CACNA2D3: variants seen among roughly 807,000 people sequenced by gnomAD.
The protein encoded by CACNA2D3 is voltage-dependent calcium channel subunit alpha-2/delta-3.
A neutral mutation model predicts 160.6 loss-of-function variants in CACNA2D3; 60 were observed. That is an observed-to-expected ratio of 0.37 (90% CI 0.30 to 0.46). The LOEUF is 0.46. Ranked by LOEUF, CACNA2D3 falls within the 20% of genes least tolerant of loss-of-function variation. The pLI is 1.00. For synonymous variants in CACNA2D3, 558 were observed against 492.9 expected, an observed-to-expected ratio of 1.13 and a Z score of -1.75; for missense variants, 1,205 against 1,365.0, an observed-to-expected ratio of 0.88 and a Z score of 1.85.
intron 11 of CACNA2D3, among the ~76,000 whole-genome samples, chr3:54,678,720 CAAAAAAAAAAAAAAAAA>C (rs71096434): frequency 4.4e-5 from 2 of 45,904 alleles, no homozygotes; most frequent in Admixed American, 4.2e-4. Context: ...GACTCGGTCT[CAAAAAAAAAAAAAAAAA>C]AAAAAAAAAA....
At chr3:54,246,329 C>T (rs1702075308) in intron 2 of CACNA2D3, among the ~76,000 whole-genome samples, 1 of 152,066 alleles carries the variant, frequency 6.6e-6, no homozygotes, top group African/African-American at 2.4e-5. Flanking sequence ...AATATTTTTT[C>T]CCTTGTAAGT....
intron 9 of CACNA2D3, among the ~76,000 whole-genome samples, chr3:54,588,406 G>A (rs549797124): frequency 9.2e-5 from 14 of 152,250 alleles, no homozygotes; most frequent in African/African-American, 2.9e-4. Context: ...TTAAGATCAG[G>A]AACAGGTAAG....
intron 11 of CACNA2D3, among the ~76,000 whole-genome samples, chr3:54,705,150 A>G (rs1169013118): frequency 3.3e-5 from 5 of 152,200 alleles, no homozygotes; most frequent in Non-Finnish European, 7.3e-5. Flanking sequence ...AAATGTACTG[A>G]ATACCCACTA....
intron 2 of CACNA2D3, among the ~76,000 whole-genome samples, chr3:54,189,130 G>C (rs1379120841): frequency 6.6e-6 from 1 of 152,234 alleles, no homozygotes; most frequent in Non-Finnish European, 1.5e-5. Context: ...GCAATTCTTG[G>C]ACTTCGTGGT....
chr3:54,282,293 A>G (rs558040958), intron 2 of CACNA2D3, among the ~76,000 whole-genome samples: 118 of 152,348 alleles, frequency 7.7e-4, no homozygotes, highest in African/African-American at 2.8e-3. Context: ...TTTTTAATAA[A>G]TTAACATAGG....
chr3:55,010,070 G>A (rs1382311207), intron 34 of CACNA2D3, among the ~76,000 whole-genome samples: 3 of 152,150 alleles, frequency 2.0e-5, no homozygotes, highest in Non-Finnish European at 4.4e-5. Flanking sequence ...GTGTGTGCAT[G>A]TATGTTTAAT....
At chr3:54,433,021 CATTTT>C (rs1700011496) in intron 4 of CACNA2D3, among the ~76,000 whole-genome samples, 1 of 152,104 alleles carries the variant, frequency 6.6e-6, no homozygotes, top group Non-Finnish European at 1.5e-5. Context: ...TAGGCTAACA[CATTTT>C]AATCAGAATA....
chr3:54,775,144 C>T (rs1242089457), intron 13 of CACNA2D3, among the ~76,000 whole-genome samples: 1 of 152,122 alleles, frequency 6.6e-6, no homozygotes, highest in Non-Finnish European at 1.5e-5. Flanking sequence ...ATGAGACAGA[C>T]CTATGACTTA....
rs1700919724 is a variant in CACNA2D3 at position 54,480,745 on chromosome 3, C to A, written c.382-22747C>A. 2.0e-5 allele frequency among the ~76,000 whole-genome samples: 3 copies of A among 152,034 alleles called. No homozygotes were observed. The South Asian group carries it at 6.2e-4, about 32-fold the overall frequency. ...AAACATGGGCTTGTATTTCCATTTA[C>A]CACTCTGCTGGATGGTGTTAAATGC... On this transcript the variant is annotated intron_variant, in intron 4 of 37. Coordinates refer to ENST00000474759, the MANE Select transcript of CACNA2D3 (RefSeq NM_018398.3).
At chr3:54,368,642 T>C (rs1698866680) in intron 3 of CACNA2D3, among the ~76,000 whole-genome samples, 1 of 151,152 alleles carries the variant, frequency 6.6e-6, no homozygotes, top group Non-Finnish European at 1.5e-5. Context: ...GTAATCAGTT[T>C]AATAATCAGC....
At chr3:54,895,800 A>C (rs558076175) in intron 25 of CACNA2D3, among the ~76,000 whole-genome samples, 1 of 152,314 alleles carries the variant, frequency 6.6e-6, no homozygotes, top group East Asian at 1.9e-4. Context: ...GAGGCGCTTC[A>C]GGTGCTGGAC....
At chr3:54,379,379 T>C (rs1476660720) in intron 3 of CACNA2D3, among the ~76,000 whole-genome samples, 1 of 152,208 alleles carries the variant, frequency 6.6e-6, no homozygotes, top group Non-Finnish European at 1.5e-5. Context: ...ACCTTGATAG[T>C]TGGTGATTTA....
chr3:54,549,195 C>G (rs987134306), intron 5 of CACNA2D3, among the ~76,000 whole-genome samples: 3 of 152,172 alleles, frequency 2.0e-5, no homozygotes, highest in Admixed American at 6.5e-5. Flanking sequence ...GCCTGTAATC[C>G]CAGCACTTTG....
rs1575463991 is a variant in CACNA2D3 at position 55,074,304 on chromosome 3, T to C, written c.*98T>C. On this transcript the variant is annotated 3_prime_UTR_variant, in exon 38 of 38. Transcript: ENST00000474759. Reference sequence around the variant, plus strand: ...AAAATATGGTGCAACATACGAGACATGAATATAGTCCAACCATCAGCATCT... The same window carrying C: ...AAAATATGGTGCAACATACGAGACACGAATATAGTCCAACCATCAGCATCT... 1 of 919,988 alleles carries C rather than the reference T, an allele frequency of 1.1e-6. No homozygotes were observed. The highest frequency in any genetic ancestry group is 1.3e-5 in the South Asian group (1 of 74,590). The allele number at this position is 919,988 out of a possible 1,614,324, so 57.0% of individuals were successfully genotyped here.
chr3:54,297,498 C>G (rs1703367812), intron 2 of CACNA2D3, among the ~76,000 whole-genome samples: 1 of 152,142 alleles, frequency 6.6e-6, no homozygotes, highest in Non-Finnish European at 1.5e-5. Context: ...AGAACATTGA[C>G]AACCTCGTTT....
intron 5 of CACNA2D3, among the ~76,000 whole-genome samples, chr3:54,525,114 G>A (rs1381700164): frequency 6.6e-6 from 1 of 151,980 alleles, no homozygotes; most frequent in Non-Finnish European, 1.5e-5. Context: ...ATATGTTTTA[G>A]TTCATAAGGT....
intron 27 of CACNA2D3, among the ~76,000 whole-genome samples, chr3:54,967,281 A>G (rs908321235): frequency 6.6e-6 from 1 of 152,226 alleles, no homozygotes; most frequent in African/African-American, 2.4e-5. Context: ...CAACAGCCCA[A>G]GACCTTTATG....
intron 35 of CACNA2D3, among the ~76,000 whole-genome samples, chr3:55,029,035 C>T (rs1175753583): frequency 6.6e-6 from 1 of 152,194 alleles, no homozygotes; most frequent in Non-Finnish European, 1.5e-5. Flanking sequence ...CATTTTCCAA[C>T]GAACAACTCC....
At chr3:54,449,201 T>A (rs1439070263) in intron 4 of CACNA2D3, among the ~76,000 whole-genome samples, 2 of 152,094 alleles carry the variant, frequency 1.3e-5, no homozygotes, top group African/African-American at 2.4e-5. Flanking sequence ...TCTTATAGAG[T>A]GAATGGACAA....
Sources: gnomAD v4.1 joint callset for allele counts (sites outside exome capture counted in the v4.1 genomes callset) on GRCh38, gnomAD v4.1.1 for gene constraint, MANE v1.5 for transcripts, NCBI Gene and HGNC (gene_info 2026-07-23, HGNC 2026-07-21) for gene names.